Variants in CFAP52 observed in about 807,000 individuals in gnomAD.
The protein encoded by CFAP52 is cilia and flagella associated protein 52.
Under a neutral mutation model 70.5 loss-of-function variants are expected in CFAP52, and 57 were observed. That is an observed-to-expected ratio of 0.81 (90% CI 0.65 to 1.01). The LOEUF is 1.01. Ranked by LOEUF, CFAP52 falls within the 50% of genes least tolerant of loss-of-function variation. CFAP52 has a pLI of 0.00. For missense variants in CFAP52, 785 were observed against 788.5 expected (o/e 1.00, Z 0.05); for synonymous variants, 267 against 292.5 (o/e 0.91, Z 0.89).
chr17:9,631,062 G>GAAAGAAAGAAAGAA (rs1555544303), intron 9 of CFAP52, among the ~76,000 whole-genome samples: 1 of 119,702 alleles, frequency 8.4e-6, no homozygotes, highest in Non-Finnish European at 1.7e-5. Context: ...GAGAAAGAAA[G>GAAAGAAAGAAAGAA]AAAGAAAGAA....
chr17:9,596,061 A>ATGTATATATATG lies in CFAP52; in HGVS notation c.536+1741_536+1742insGTATATATATGT, dbSNP rs71135995. Among the ~76,000 whole-genome samples, 3 of 50,780 alleles carry ATGTATATATATG rather than the reference A, an allele frequency of 5.9e-5. No individual in the cohort carries two copies. The Admixed American group carries it at 6.7e-4, about 11-fold the overall frequency. 33.3% of individuals were successfully genotyped at this position (50,780 alleles called of 152,430 possible). A position where few individuals can be genotyped will look rare whatever the true frequency, so the allele number is the denominator to read the frequency against. On this transcript the variant is annotated intron_variant, in intron 4 of 13. Transcript: ENST00000352665. ...TGTATGTAGATATATATGTGTGTGT[A>ATGTATATATATG]TATATATATATATATATATATATAT... is the stretch of plus-strand genomic sequence containing the variant.
intron 7 of CFAP52, chr17:9,610,155 A>G (rs1487217642): frequency 6.6e-6 from 1 of 152,182 alleles, no homozygotes; most frequent in African/African-American, 2.4e-5. Context: ...GGAAAGAAAT[A>G]ACATCCAAGT....
At chr17:9,586,111 C>A in intron 2 of CFAP52, 139 bp downstream of exon 2, 1 of 896,808 alleles carries the variant, frequency 1.1e-6, no homozygotes, top group Non-Finnish European at 1.7e-6. Context: ...CTCTTTTAAC[C>A]CATTTTCATT....
intron 1 of CFAP52, among the ~76,000 whole-genome samples, chr17:9,581,528 A>G (rs937589333): frequency 6.7e-6 from 1 of 148,316 alleles, no homozygotes; most frequent in Non-Finnish European, 1.5e-5. Context: ...AGAGAGAGAG[A>G]GGGGATAGAG....
intron 11 of CFAP52, 101 bp downstream of exon 11, chr17:9,635,657 C>T: frequency 6.8e-7 from 1 of 1,476,870 alleles, no homozygotes; most frequent in South Asian, 1.3e-5. Flanking sequence ...GGGTAGAAAT[C>T]TTATTTAAGG....
intron 9 of CFAP52, 32 bp from the exon 10 acceptor site, chr17:9,632,856 C>G: frequency 6.2e-7 from 1 of 1,610,364 alleles, no homozygotes; most frequent in East Asian, 2.2e-5. Context: ...ATATACTGAT[C>G]CTGCCTGCCT....
chr17:9,626,178 A>G (rs1597790106), intron 8 of CFAP52, among the ~76,000 whole-genome samples: 1 of 152,220 alleles, frequency 6.6e-6, no homozygotes, highest in African/African-American at 2.4e-5. Flanking sequence ...GTTTTGAACT[A>G]GGCTTGACTG....
At chr17:9,641,646 G>A in intron 12 of CFAP52, 78 bp from the exon 13 acceptor site, 1 of 1,031,216 alleles carries the variant, frequency 9.7e-7, no homozygotes, top group Non-Finnish European at 1.5e-6. Context: ...ATATAAAGTA[G>A]AGCCATCTTT....
In CFAP52 at chr17:9,631,046, GAGAGAGA is replaced by G. The variant is rs1567634898; in HGVS notation, c.1175-1841_1175-1835del. On this transcript the variant is annotated intron_variant, in intron 9 of 13. Transcript: ENST00000352665. ...AGAAAGAAAGAGAGAGAGAGAGAGA[GAGAGAGA>G]GAAAGAAAGAAAGAAAGAAAGAAAG... Among the ~76,000 whole-genome samples the G allele has an allele frequency of 5.5e-4, 53 of 97,242 alleles. 3 individuals carry two copies. Among genetic ancestry groups the G allele is most frequent in the African/African-American group, 2.5e-3 (51 of 20,788 alleles). 63.8% of individuals were successfully genotyped at this position (97,242 alleles called of 152,430 possible). A position where few individuals can be genotyped will look rare whatever the true frequency, so the allele number is the denominator to read the frequency against.
At chr17:9,591,390 G>A (rs1908754333) in intron 3 of CFAP52, among the ~76,000 whole-genome samples, 1 of 151,990 alleles carries the variant, frequency 6.6e-6, no homozygotes, top group African/African-American at 2.4e-5. Context: ...TTCCATTGAT[G>A]TCATCATGGT....
intron 9 of CFAP52, among the ~76,000 whole-genome samples, chr17:9,629,053 G>T (rs1415585618): frequency 6.6e-6 from 1 of 152,120 alleles, no homozygotes; most frequent in African/African-American, 2.4e-5. Context: ...TGCATATAGC[G>T]TGAATCTTTC....
At chr17:9,604,945 A>G (rs573230027) in intron 6 of CFAP52, among the ~76,000 whole-genome samples, 1 of 152,296 alleles carries the variant, frequency 6.6e-6, no homozygotes, top group South Asian at 2.1e-4. Context: ...AACAACACCT[A>G]ATATTGACAG....
chr17:9,638,607 A>G lies in CFAP52; in HGVS notation c.1473-2A>G. 7 of 1,613,826 alleles carry G rather than the reference A, an allele frequency of 4.3e-6. No individual in the cohort carries two copies. The highest frequency in any genetic ancestry group is 5.9e-6 in the Non-Finnish European group (7 of 1,179,770). ...TTCACAGCTTTTGAATCTACTTTCC[A>G]GGCGTCTCAGGAGGAATCAGATGAT... On this transcript the variant is annotated splice_acceptor_variant, in intron 11 of 13. Transcript: ENST00000352665. LOFTEE classifies it high-confidence loss of function.
At chr17:9,589,393 A>G (rs1044984625) in intron 3 of CFAP52, among the ~76,000 whole-genome samples, 1 of 152,204 alleles carries the variant, frequency 6.6e-6, no homozygotes, top group African/African-American at 2.4e-5. Context: ...GTCATTCACA[A>G]GTGGTCACCC....
intron 1 of CFAP52, among the ~76,000 whole-genome samples, chr17:9,581,409 A>G (rs938925042): frequency 2.0e-5 from 3 of 152,232 alleles, no homozygotes; most frequent in Non-Finnish European, 4.4e-5. Flanking sequence ...GAATAGATGT[A>G]TATAAACTAA....
At chr17:9,600,838 A>AT (rs1909236654) in intron 6 of CFAP52, among the ~76,000 whole-genome samples, 1 of 152,166 alleles carries the variant, frequency 6.6e-6, no homozygotes, top group Non-Finnish European at 1.5e-5. Context: ...ACCCAAAGCC[A>AT]CATCTCAATT....
intron 7 of CFAP52, among the ~76,000 whole-genome samples, chr17:9,610,600 T>C (rs1399055700): frequency 2.6e-5 from 4 of 152,026 alleles, no homozygotes; most frequent in African/African-American, 9.7e-5. Flanking sequence ...AATGACGCCA[T>C]CTTGGCTCAC....
chr17:9,596,370 G>A (rs1015942941), intron 4 of CFAP52, among the ~76,000 whole-genome samples: 6 of 151,932 alleles, frequency 3.9e-5, no homozygotes, highest in African/African-American at 1.4e-4. Flanking sequence ...CAAAGGGCTA[G>A]GATTTATAGG....
At chr17:9,584,311 C>CG in intron 1 of CFAP52, 1 of 1,289,374 alleles carries the variant, frequency 7.8e-7, no homozygotes, top group Non-Finnish European at 1.0e-6. Flanking sequence ...ATTTGGAGTA[C>CG]GGGAGTTGCC....
Sources: allele counts gnomAD v4.1 joint callset (sites outside exome capture counted in the v4.1 genomes callset), GRCh38; gene constraint gnomAD v4.1.1; transcripts MANE v1.5; gene names NCBI Gene and HGNC (gene_info 2026-07-23, HGNC 2026-07-21).